Variants in ZNF721 observed in about 807,000 individuals in gnomAD.
ZNF721 encodes the protein zinc finger protein 721.
In ZNF721, 2 loss-of-function variants were observed where a neutral mutation model predicts 2.4. The ratio of observed to expected loss-of-function variants is 0.82; its 90% CI spans 0.34 to 2.58. The LOEUF (loss-of-function observed/expected upper bound fraction) is 2.58, where lower values mean the gene tolerates loss of function less well. ZNF721 is among the 30% of genes most tolerant of loss of function. ZNF721 has a pLI of 0.11. For missense variants in ZNF721, 1,187 were observed against 1,085.5 expected, an observed-to-expected ratio of 1.09 and a Z score of -1.31; for synonymous variants, 398 against 381.8, an observed-to-expected ratio of 1.04 and a Z score of -0.50.
At chr4:484,948 G>A (rs1312162783) in intron 1 of ZNF721, among the ~76,000 whole-genome samples, 3 of 152,052 alleles carry the variant, frequency 2.0e-5, no homozygotes, top group South Asian at 4.2e-4. Context: ...GGGGCATCAC[G>A]GAACCTACTG....
At position 441,053 on chromosome 4, in the gene ZNF721, T is replaced by C. The variant is rs1714216543; in HGVS notation, c.*642A>G. The C allele has an allele frequency of 6.6e-6, 1 of 152,264 alleles. No homozygotes were observed. Among genetic ancestry groups the C allele is most frequent in the African/African-American group, 2.4e-5 (1 of 41,466 alleles). 9.4% of individuals were successfully genotyped at this position (152,264 alleles called of 1,614,324 possible). ...TTTCTCTCCAATATAAATTCTCTGA[T>C]GTTGAACAAAGTTTAAGCAACTGCT... On this transcript the variant is annotated 3_prime_UTR_variant, in exon 3 of 3. Transcript: ENST00000511833.
At chr4:474,111 T>C (rs782458507) in intron 1 of ZNF721, 243 of 1,198,018 alleles carry the variant, frequency 2.0e-4, no homozygotes, top group Non-Finnish European at 2.5e-4. Context: ...AGCAGGGAAG[T>C]GAGGCCCTAA....
At chr4:492,347 AC>A (rs1716045657) in intron 1 of ZNF721, among the ~76,000 whole-genome samples, 1 of 152,198 alleles carries the variant, frequency 6.6e-6, no homozygotes, top group South Asian at 2.1e-4. Context: ...TTGGAAAAAA[AC>A]ATTCCCGTTA....
At chr4:484,328 T>A (rs1715839952) in intron 1 of ZNF721, among the ~76,000 whole-genome samples, 1 of 152,164 alleles carries the variant, frequency 6.6e-6, no homozygotes, top group Non-Finnish European at 1.5e-5. Context: ...CTGCACAAAT[T>A]GTACAGCATG....
In ZNF721 at chr4:441,623, G is replaced by C. The variant is rs1284181457; in HGVS notation, c.*72C>G. On this transcript the variant is annotated 3_prime_UTR_variant, in exon 3 of 3. Coordinates refer to ENST00000511833, the MANE Select transcript of ZNF721 (RefSeq NM_133474.4). ...ACCGCGACATTCGTCACCTTCGTAA[G>C]ACATTCCCCTGGTATGAGTTCTCTT... 7.7e-7 allele frequency: 1 copy of C among 1,295,562 alleles called. No individual in the cohort carries two copies. Among genetic ancestry groups the C allele is most frequent in the African/African-American group, 1.5e-5 (1 of 66,818 alleles). The allele number at this position is 1,295,562 out of a possible 1,614,324, so 80.3% of individuals were successfully genotyped here.
At chr4:453,909 G>A (rs797040744) in intron 2 of ZNF721, 1 of 152,082 alleles carries the variant, frequency 6.6e-6, no homozygotes, top group African/African-American at 2.4e-5. Flanking sequence ...TGCCCAATAT[G>A]CCTGGAACGG....
Position 475,949 on chromosome 4 carries a change from G to A in ZNF721, c.-93-3248C>T, listed in dbSNP as rs535219123. Reference sequence around the variant, plus strand: ...CATAAATTCCAGAATCCATGTGGGTGTATTTGACTGAGCACAATGCAACAC... The same window carrying A: ...CATAAATTCCAGAATCCATGTGGGTATATTTGACTGAGCACAATGCAACAC... On this transcript the variant is annotated intron_variant, in intron 1 of 2. Transcript: ENST00000511833. Among the ~76,000 whole-genome samples, 3 of 152,258 alleles carry A rather than the reference G, an allele frequency of 2.0e-5. No homozygotes were observed. The East Asian group carries it at 5.8e-4, about 29-fold the overall frequency.
intron 2 of ZNF721, among the ~76,000 whole-genome samples, chr4:454,515 T>C (rs947866979): frequency 1.7e-4 from 26 of 152,302 alleles, no homozygotes; most frequent in African/African-American, 5.1e-4. Flanking sequence ...CTGAATGTTA[T>C]GTGTATATCC....
rs569762644 is a variant in ZNF721, at chr4:444,979, C to CT, written c.35-548dup. ...AACAGGTACAGCAAGTGATGAGAGA[C>CT]TTTTTTTTTTTTTTTTTTTTTTTGA... is the stretch of plus-strand genomic sequence containing the variant. On this transcript the variant is annotated intron_variant, in intron 2 of 2. Coordinates refer to ENST00000511833, the MANE Select transcript of ZNF721 (RefSeq NM_133474.4). Among the ~76,000 whole-genome samples the CT allele has an allele frequency of 9.9e-3, 1,075 of 108,668 alleles. 9 individuals carry two copies. The highest frequency in any genetic ancestry group is 0.016 in the African/African-American group (410 of 24,862). 71.3% of individuals were successfully genotyped at this position (108,668 alleles called of 152,430 possible).
intron 1 of ZNF721, among the ~76,000 whole-genome samples, chr4:497,736 A>C (rs187163342): frequency 0.041 from 6,243 of 150,946 alleles, 197 homozygotes; most frequent in African/African-American, 0.082. Flanking sequence ...AAAATACAAA[A>C]AAAAAAAAAA....
intron 1 of ZNF721, among the ~76,000 whole-genome samples, chr4:479,547 C>A (rs1715720985): frequency 6.6e-6 from 1 of 152,308 alleles, no homozygotes; most frequent in Middle Eastern, 3.4e-3. Context: ...CGTTCAGGGA[C>A]CAGGGGGCTG....
intron 2 of ZNF721, among the ~76,000 whole-genome samples, chr4:468,843 G>T (rs1553867188): frequency 6.6e-6 from 1 of 152,198 alleles, no homozygotes. Context: ...CACAGCTGAA[G>T]CCAAGATCTG....
intron 2 of ZNF721, among the ~76,000 whole-genome samples, chr4:468,910 T>C (rs1211729803): frequency 2.6e-5 from 4 of 152,092 alleles, no homozygotes; most frequent in African/African-American, 9.7e-5. Flanking sequence ...AAAGTTTGTA[T>C]CAGAACAATT....
chr4:441,558 AATTATCTT>A lies in ZNF721; in HGVS notation c.*129_*136del. 1.4e-6 allele frequency: 1 copy of A among 715,990 alleles called. No individual in the cohort carries two copies. Among genetic ancestry groups the A allele is most frequent in the Non-Finnish European group, 2.2e-6 (1 of 450,154 alleles). 44.4% of individuals were successfully genotyped at this position (715,990 alleles called of 1,614,324 possible). A position where few individuals can be genotyped will look rare whatever the true frequency, so the allele number is the denominator to read the frequency against. ...CATTTTAGAGTTTCTCTTCATTATG[AATTATCTT>A]ATGATTAGAAAGGATTGAGGAGCAT... On this transcript the variant is annotated 3_prime_UTR_variant, in exon 3 of 3. Coordinates refer to ENST00000511833, the MANE Select transcript of ZNF721 (RefSeq NM_133474.4).
chr4:445,514 T>C (rs1714443847), intron 2 of ZNF721, among the ~76,000 whole-genome samples: 1 of 152,122 alleles, frequency 6.6e-6, no homozygotes, highest in Non-Finnish European at 1.5e-5. Flanking sequence ...TACAAAATAT[T>C]AGAACACATT....
At chr4:474,550 CT>C (rs1553868312) in intron 1 of ZNF721, among the ~76,000 whole-genome samples, 1 of 152,002 alleles carries the variant, frequency 6.6e-6, no homozygotes, top group African/African-American at 2.4e-5. Context: ...AGTAGGACAC[CT>C]GAGATTTGAA....
At chr4:464,205 G>A (rs6823762) in intron 2 of ZNF721, among the ~76,000 whole-genome samples, 2,280 of 152,146 alleles carry the variant, frequency 0.015, 60 homozygotes, top group African/African-American at 0.051. Flanking sequence ...GTGCGGTTGC[G>A]CACACCTGTA....
At chr4:497,235 A>G (rs1716178946) in intron 1 of ZNF721, among the ~76,000 whole-genome samples, 1 of 151,898 alleles carries the variant, frequency 6.6e-6, no homozygotes, top group Admixed American at 6.6e-5. Flanking sequence ...GTTTTTTAAC[A>G]GCAAATAAAC....
intron 2 of ZNF721, among the ~76,000 whole-genome samples, chr4:468,379 A>G (rs930714092): frequency 6.6e-6 from 1 of 151,828 alleles, no homozygotes; most frequent in Admixed American, 6.6e-5. Flanking sequence ...GCAGTGAGCC[A>G]AGTTCATGGC....
Sources: allele counts gnomAD v4.1 joint callset (sites outside exome capture counted in the v4.1 genomes callset), GRCh38; gene constraint gnomAD v4.1.1; transcripts MANE v1.5; gene names NCBI Gene and HGNC (gene_info 2026-07-23, HGNC 2026-07-21).